PLCG2: variants seen among roughly 807,000 people sequenced by gnomAD.
PLCG2 encodes the protein 1-phosphatidylinositol 4,5-bisphosphate phosphodiesterase gamma-2.
A neutral mutation model predicts 175.6 loss-of-function variants in PLCG2; 69 were observed. That is an observed-to-expected ratio of 0.39 (90% CI 0.32 to 0.48). The LOEUF (loss-of-function observed/expected upper bound fraction) is 0.48. Among genes scored for constraint, PLCG2 ranks in the 20% least tolerant of loss-of-function variants. The pLI is 0.91. For missense variants in PLCG2, 1,798 were observed against 1,650.9 expected, an observed-to-expected ratio of 1.09 and a Z score of -1.54; for synonymous variants, 827 against 624.0, an observed-to-expected ratio of 1.33 and a Z score of -4.85.
At chr16:81,951,263 C>T (rs1288230917) in intron 31 of PLCG2, among the ~76,000 whole-genome samples, 1 of 151,848 alleles carries the variant, frequency 6.6e-6, no homozygotes, top group Non-Finnish European at 1.5e-5. Flanking sequence ...TGTGTCCAGC[C>T]CTCAAAAGAC....
chr16:81,827,057 C>T (rs919901906), intron 2 of PLCG2, among the ~76,000 whole-genome samples: 1 of 152,168 alleles, frequency 6.6e-6, no homozygotes, highest in African/African-American at 2.4e-5. Flanking sequence ...ATTCCTAAGC[C>T]CCATGATTGT....
At chr16:81,876,051 G>T (rs1373241519) in intron 7 of PLCG2, among the ~76,000 whole-genome samples, 2 of 130,740 alleles carry the variant, frequency 1.5e-5, no homozygotes, top group African/African-American at 5.5e-5. Flanking sequence ...TTTGAGACAG[G>T]GTCTCACTTT....
chr16:81,755,309 G>A (rs959510144), intron 1 of PLCG2, among the ~76,000 whole-genome samples: 2 of 151,266 alleles, frequency 1.3e-5, no homozygotes, highest in Non-Finnish European at 2.9e-5. Context: ...TGATCCTCCC[G>A]CCTCAGTCTC....
At chr16:81,949,615 T>C (rs1911287434) in intron 31 of PLCG2, among the ~76,000 whole-genome samples, 1 of 152,202 alleles carries the variant, frequency 6.6e-6, no homozygotes, top group African/African-American at 2.4e-5. Context: ...ATGATTATTT[T>C]AGTCAGAAAA....
At chr16:81,921,797 C>G (rs1195135273) in intron 21 of PLCG2, among the ~76,000 whole-genome samples, 1 of 152,200 alleles carries the variant, frequency 6.6e-6, no homozygotes, top group Admixed American at 6.5e-5. Flanking sequence ...ATGTGGCACA[C>G]AATTAGTGTA....
intron 24 of PLCG2, among the ~76,000 whole-genome samples, chr16:81,929,616 A>T (rs989853870): frequency 5.3e-5 from 8 of 152,166 alleles, no homozygotes; most frequent in African/African-American, 1.9e-4. Flanking sequence ...GGCTGGTCTC[A>T]AACTGCTGAC....
intron 2 of PLCG2, among the ~76,000 whole-genome samples, chr16:81,820,828 C>G (rs924355389): frequency 1.3e-5 from 2 of 150,560 alleles, no homozygotes; most frequent in Non-Finnish European, 3.0e-5. Context: ...ATCATGTTGG[C>G]TAGGCTAGTC....
intron 22 of PLCG2, among the ~76,000 whole-genome samples, chr16:81,925,704 C>A (rs147478284): frequency 0.019 from 2,858 of 152,116 alleles, 88 homozygotes; most frequent in African/African-American, 0.065. Flanking sequence ...CCTGGCCAAC[C>A]TGGTAAAACC....
At chr16:81,805,245 A>G (rs1209473592) in intron 2 of PLCG2, among the ~76,000 whole-genome samples, 3 of 152,206 alleles carry the variant, frequency 2.0e-5, no homozygotes. Flanking sequence ...CATGCCTGTA[A>G]TCCCAGCACT....
chr16:81,765,748 A>G (rs544794649), intron 2 of PLCG2, among the ~76,000 whole-genome samples: 11 of 152,334 alleles, frequency 7.2e-5, no homozygotes, highest in African/African-American at 2.6e-4. Context: ...AAACTAATGC[A>G]TGTTTTCAGT....
intron 2 of PLCG2, among the ~76,000 whole-genome samples, chr16:81,765,037 G>A (rs529815031): frequency 2.7e-5 from 4 of 145,780 alleles, no homozygotes; most frequent in Non-Finnish European, 3.1e-5. Context: ...GCAGTGAACC[G>A]TGATCACCCC....
chr16:81,929,891 C>T (rs1263094521), intron 24 of PLCG2, among the ~76,000 whole-genome samples: 3 of 152,252 alleles, frequency 2.0e-5, no homozygotes, highest in African/African-American at 7.2e-5. Context: ...GTATCATCTT[C>T]CCCCATCCCT....
chr16:81,960,108 C>T lies in PLCG2; in HGVS notation c.*2110C>T, dbSNP rs1911726946. On this transcript the variant is annotated 3_prime_UTR_variant, in exon 33 of 33. Coordinates refer to ENST00000564138, the MANE Select transcript of PLCG2 (RefSeq NM_002661.5). ...AAGAACCCTCTGCCTAAAACTGTCT[C>T]CTTCTCCTGGTGCTACAACCGGAAT... is the stretch of plus-strand genomic sequence containing the variant. 1 of 219,718 alleles carries T rather than the reference C, an allele frequency of 4.6e-6. No homozygotes were observed. 13.6% of individuals were successfully genotyped at this position (219,718 alleles called of 1,614,324 possible).
intron 5 of PLCG2, among the ~76,000 whole-genome samples, chr16:81,864,138 T>G (rs1907113433): frequency 6.6e-6 from 1 of 152,158 alleles, no homozygotes; most frequent in Non-Finnish European, 1.5e-5. Context: ...CCTGGAGGAT[T>G]TGTGAAAGTG....
intron 12 of PLCG2, among the ~76,000 whole-genome samples, chr16:81,894,487 C>G (rs1478578434): frequency 6.6e-6 from 1 of 152,004 alleles, no homozygotes; most frequent in Non-Finnish European, 1.5e-5. Context: ...TGGCAGACGC[C>G]TTATTTCCCT....
chr16:81,756,279 C>T (rs1371579634), intron 2 of PLCG2, among the ~76,000 whole-genome samples: 1 of 152,234 alleles, frequency 6.6e-6, no homozygotes, highest in Non-Finnish European at 1.5e-5. Context: ...ATAGGGCTTC[C>T]TGTAGGAGTA....
intron 10 of PLCG2, among the ~76,000 whole-genome samples, chr16:81,889,973 T>G (rs1239202379): frequency 6.6e-6 from 1 of 151,978 alleles, no homozygotes; most frequent in Non-Finnish European, 1.5e-5. Flanking sequence ...GGTTTTTTTT[T>G]AAAGATTGTT....
chr16:81,824,154 A>G (rs1904941037), intron 2 of PLCG2, among the ~76,000 whole-genome samples: 1 of 123,390 alleles, frequency 8.1e-6, no homozygotes, highest in Non-Finnish European at 1.6e-5. Context: ...TCTTTCTTTC[A>G]TGGAGTTTCA....
chr16:81,882,860 G>A (rs1037005642), intron 8 of PLCG2, among the ~76,000 whole-genome samples: 3 of 151,982 alleles, frequency 2.0e-5, no homozygotes, highest in African/African-American at 4.8e-5. Flanking sequence ...TGGTCCTCCA[G>A]GTCTGGGTTT....
Sources: allele counts gnomAD v4.1 joint callset (sites outside exome capture counted in the v4.1 genomes callset), GRCh38; gene constraint gnomAD v4.1.1; transcripts MANE v1.5; gene names NCBI Gene and HGNC (gene_info 2026-07-23, HGNC 2026-07-21).